ZFAND3: variants seen among roughly 807,000 people sequenced by gnomAD.
ZFAND3 encodes the protein zinc finger AN1-type containing 3.
Under a neutral mutation model 29.6 loss-of-function variants are expected in ZFAND3, and 10 were observed. That is an observed-to-expected ratio of 0.34 (90% CI 0.21 to 0.57). ZFAND3 has a LOEUF of 0.57. Among genes scored for constraint, ZFAND3 ranks in the 20% least tolerant of loss-of-function variants. ZFAND3 has a pLI of 0.86. For synonymous variants in ZFAND3, 128 were observed against 112.6 expected, an observed-to-expected ratio of 1.14 and a Z score of -0.87; for missense variants, 230 against 304.5, an observed-to-expected ratio of 0.76 and a Z score of 1.82.
At chr6:38,067,235 A>G (rs1015470241) in intron 3 of ZFAND3, among the ~76,000 whole-genome samples, 8 of 152,206 alleles carry the variant, frequency 5.3e-5, no homozygotes, top group African/African-American at 1.7e-4. Flanking sequence ...CTTATTTTCC[A>G]TCTGTATTTG....
chr6:37,865,517 G>T (rs1481962467), intron 1 of ZFAND3, among the ~76,000 whole-genome samples: 1 of 152,204 alleles, frequency 6.6e-6, no homozygotes, highest in Non-Finnish European at 1.5e-5. Context: ...TTTAAACTCA[G>T]ATCAAACAAT....
chr6:38,153,503 C>G lies in ZFAND3; in HGVS notation c.*1114C>G, dbSNP rs1766279893. 1.0e-6 allele frequency: 1 copy of G among 985,490 alleles called. No individual in the cohort carries two copies. The highest frequency in any genetic ancestry group is 1.2e-6 in the Non-Finnish European group (1 of 830,066). The allele number at this position is 985,490 out of a possible 1,614,324, so 61.0% of individuals were successfully genotyped here. ...TAGTAAGGGAAGGCAGCATACGTCCCAGGGACAGTGGGTTTGGATCTGTCT... is the reference window on the plus strand; with the variant it reads ...TAGTAAGGGAAGGCAGCATACGTCCGAGGGACAGTGGGTTTGGATCTGTCT... On this transcript the variant is annotated 3_prime_UTR_variant, in exon 6 of 6. Transcript: ENST00000287218.
At chr6:38,121,983 T>C (rs1275228847) in intron 5 of ZFAND3, among the ~76,000 whole-genome samples, 1 of 152,214 alleles carries the variant, frequency 6.6e-6, no homozygotes, top group Non-Finnish European at 1.5e-5. Flanking sequence ...AAAATGATGA[T>C]TTACTAACTC....
intron 5 of ZFAND3, among the ~76,000 whole-genome samples, chr6:38,150,656 C>G (rs993192347): frequency 1.3e-5 from 2 of 152,274 alleles, no homozygotes; most frequent in East Asian, 3.9e-4. Context: ...TCTTGCTGTT[C>G]TTCTAAAAGC....
chr6:37,821,287 A>C (rs183326609), intron 1 of ZFAND3, among the ~76,000 whole-genome samples: 6 of 152,302 alleles, frequency 3.9e-5, no homozygotes, highest in Admixed American at 6.5e-5. Context: ...TCATTTTCTC[A>C]TTTTTCTGCC....
Position 38,120,320 on chromosome 6 carries a change from C to CTTTTTTTTTTTTTTTTTTTTT in ZFAND3, c.529+3591_529+3611dup, listed in dbSNP as rs70981523. ...TGATTGATACACGTAGCTTGGCTTC[C>CTTTTTTTTTTTTTTTTTTTTT]TTTTTTTTTTTTTTTTTTTTTTTTT... On this transcript the variant is annotated intron_variant, in intron 5 of 5. Transcript: ENST00000287218. 9.9e-4 allele frequency among the ~76,000 whole-genome samples: 60 copies of CTTTTTTTTTTTTTTTTTTTTT among 60,732 alleles called. 9 individuals are homozygous for CTTTTTTTTTTTTTTTTTTTTT. The highest frequency in any genetic ancestry group is 1.2e-3 in the Non-Finnish European group (39 of 31,824). 39.8% of individuals were successfully genotyped at this position (60,732 alleles called of 152,430 possible).
chr6:38,003,731 C>G (rs1762993271), intron 2 of ZFAND3: 1 of 413,562 alleles, frequency 2.4e-6, no homozygotes, highest in African/African-American at 2.1e-5. Flanking sequence ...GCCTTGAACT[C>G]CTGAGCTCAA....
intron 1 of ZFAND3, among the ~76,000 whole-genome samples, chr6:37,902,176 C>T (rs1226591007): frequency 1.3e-5 from 2 of 152,224 alleles, no homozygotes; most frequent in East Asian, 1.9e-4. Flanking sequence ...TGGCCAGGTA[C>T]AGTGGCTTAC....
intron 2 of ZFAND3, among the ~76,000 whole-genome samples, chr6:38,022,810 T>G (rs1335223043): frequency 6.6e-6 from 1 of 152,220 alleles, no homozygotes; most frequent in South Asian, 2.1e-4. Flanking sequence ...TACTTAACTT[T>G]AGGATTACCA....
At chr6:38,124,684 C>T (rs1009111103) in intron 5 of ZFAND3, among the ~76,000 whole-genome samples, 6 of 152,188 alleles carry the variant, frequency 3.9e-5, no homozygotes, top group Admixed American at 3.9e-4. Context: ...AGCCCAGGTT[C>T]CTGCCCGCAC....
chr6:37,837,311 TGTGAGGATTAAG>T (rs1413490675), intron 1 of ZFAND3, among the ~76,000 whole-genome samples: 4 of 152,116 alleles, frequency 2.6e-5, no homozygotes, highest in Non-Finnish European at 4.4e-5. Context: ...GAGGAGACAG[TGTGAGGATTAAG>T]GTCAAGTAGT....
intron 1 of ZFAND3, among the ~76,000 whole-genome samples, chr6:37,922,058 T>C (rs1214068664): frequency 1.3e-5 from 2 of 152,088 alleles, no homozygotes; most frequent in Middle Eastern, 3.2e-3. Flanking sequence ...AGCCAGGCCT[T>C]GTCTCATAAA....
chr6:38,004,435 TCCCTTCCCCTCTCC>T lies in ZFAND3; in HGVS notation c.113-57139_113-57126del, dbSNP rs752934053. 1.5e-3 allele frequency among the ~76,000 whole-genome samples: 223 copies of T among 151,186 alleles called. 1 individual carries two copies. The highest frequency in any genetic ancestry group is 4.4e-3 in the African/African-American group (181 of 41,030). ...TTTTTTCTTTCTTTCCTTTTCCCTC[TCCCTTCCCCTCTCC>T]CCCTTCCCCTCTCCCCCTCTCCATC... On this transcript the variant is annotated intron_variant, in intron 2 of 5. Coordinates refer to ENST00000287218, the MANE Select transcript of ZFAND3 (RefSeq NM_021943.3).
At chr6:38,101,648 C>T (rs1765095111) in intron 4 of ZFAND3, among the ~76,000 whole-genome samples, 3 of 151,780 alleles carry the variant, frequency 2.0e-5, no homozygotes, top group Admixed American at 2.0e-4. Context: ...GTGGTGGGCA[C>T]CTGTAATCCC....
At chr6:38,099,450 C>A in intron 4 of ZFAND3, among the ~76,000 whole-genome samples, 1 of 152,200 alleles carries the variant, frequency 6.6e-6, no homozygotes, top group East Asian at 1.9e-4. Flanking sequence ...TCTGAATTCT[C>A]TGTTTCATTA....
At chr6:37,826,211 A>G (rs951186319) in intron 1 of ZFAND3, among the ~76,000 whole-genome samples, 4 of 152,080 alleles carry the variant, frequency 2.6e-5, no homozygotes, top group Non-Finnish European at 5.9e-5. Flanking sequence ...AGTACTTACA[A>G]AATCATCCAG....
chr6:38,024,402 G>A (rs1009287691), intron 2 of ZFAND3, among the ~76,000 whole-genome samples: 2 of 151,714 alleles, frequency 1.3e-5, no homozygotes, highest in African/African-American at 4.8e-5. Flanking sequence ...AACCCGGGAG[G>A]TGGAGCTTGC....
chr6:37,851,739 A>C (rs560497086), intron 1 of ZFAND3, among the ~76,000 whole-genome samples: 73 of 152,348 alleles, frequency 4.8e-4, no homozygotes, highest in African/African-American at 1.7e-3. Flanking sequence ...AAATTGGAAA[A>C]AAATACCTTA....
rs70981521 is a variant in ZFAND3 at position 38,048,621 on chromosome 6, C to CAAAAAA, written c.113-12964_113-12959dup. On this transcript the variant is annotated intron_variant, in intron 2 of 5. Transcript: ENST00000287218. ...TGGGTGACAGAGTGAGACTCCGTCT[C>CAAAAAA]AAAAAAAAAAAAATTCAATGCCTGT... Among the ~76,000 whole-genome samples the CAAAAAA allele has an allele frequency of 2.7e-3, 152 of 56,270 alleles. 21 individuals are homozygous for CAAAAAA. Among genetic ancestry groups the CAAAAAA allele is most frequent in the East Asian group, 0.019 (50 of 2,572 alleles). The allele number at this position is 56,270 out of a possible 152,430, so 36.9% of individuals were successfully genotyped here.
Sources: gnomAD v4.1 joint callset for allele counts (sites outside exome capture counted in the v4.1 genomes callset) on GRCh38, gnomAD v4.1.1 for gene constraint, MANE v1.5 for transcripts, NCBI Gene and HGNC (gene_info 2026-07-23, HGNC 2026-07-21) for gene names.